Variants in PCDHGB3 observed in about 807,000 individuals in gnomAD.
PCDHGB3 encodes the protein protocadherin gamma subfamily B, 3, also known as protocadherin gamma-B3.
In PCDHGB3, 40 loss-of-function variants were observed where a neutral mutation model predicts 59.2. The ratio of observed to expected loss-of-function variants is 0.68; its 90% CI spans 0.52 to 0.88. PCDHGB3 has a LOEUF of 0.88. PCDHGB3 is among the 40% of genes least tolerant of loss of function. The pLI is 0.00. For missense variants in PCDHGB3, 1,309 were observed against 1,187.9 expected (o/e 1.10, Z -1.50); for synonymous variants, 581 against 503.6 (o/e 1.15, Z -2.06).
At chr5:141,395,557 T>C (rs1405901510) in intron 1 of PCDHGB3, 1 of 136,750 alleles carries the variant, frequency 7.3e-6, no homozygotes, top group East Asian at 1.5e-4. Context: ...TGTGTGTGTG[T>C]GTGTGTGTGT....
intron 1 of PCDHGB3, chr5:141,415,520 C>T: frequency 6.2e-7 from 1 of 1,614,190 alleles, no homozygotes; most frequent in Non-Finnish European, 8.5e-7. Flanking sequence ...TATGCGGACA[C>T]GCTCATCAGC....
At chr5:141,428,120 C>A in intron 1 of PCDHGB3, 1 of 1,606,526 alleles carries the variant, frequency 6.2e-7, no homozygotes, top group Non-Finnish European at 8.5e-7. Flanking sequence ...CCATCGAGCC[C>A]GGGCTTTTCA....
chr5:141,372,118 T>C lies in PCDHGB3; in HGVS notation c.1724T>C (p.Phe575Ser), dbSNP rs937548053. The C allele has an allele frequency of 1.9e-6, 3 of 1,613,628 alleles. No individual in the cohort carries two copies. The highest frequency in any genetic ancestry group is 2.5e-6 in the Non-Finnish European group (3 of 1,179,926). The change falls in exon 1 of 4, where the codon TTC becomes TCC. Residue 575 changes from phenylalanine to serine, a missense_variant. Transcript: ENST00000576222. The stretch of plus-strand genomic sequence containing the variant: ...CTGGGGCCCGAAGGCTCTGCGCTCT[T>C]CGATATGGTGCCGCGCTCTGCAGAG... Reference protein sequence around the residue: ...PALGPEGSALFDMVPRSAEPG... With the variant: ...PALGPEGSALSDMVPRSAEPG...
chr5:141,372,696 C>T lies in PCDHGB3; in HGVS notation c.2302C>T (p.Leu768Phe). The T allele has an allele frequency of 6.2e-7, 1 of 1,613,994 alleles. No individual in the cohort carries two copies. Among genetic ancestry groups the T allele is most frequent in the Non-Finnish European group, 8.5e-7 (1 of 1,179,884 alleles). Residue 768 changes from leucine (L) to phenylalanine (F), a missense_variant, in exon 1 of 4, where the codon CTC becomes TTC. Leu to Phe is a conservative substitution (Grantham distance 22). Transcript: ENST00000576222. Reference protein sequence around the residue: ...SHSSNTEFKFLNIKAENAAPQ... With the variant: ...SHSSNTEFKFFNIKAENAAPQ... ...TTCCTCAAACACCGAGTTTAAATTT[C>T]TCAATATAAAGGCTGAAAATGCTGC...
chr5:141,432,016 C>G lies in PCDHGB3; in HGVS notation c.2415+59207C>G. 1 of 1,614,202 alleles carries G rather than the reference C, an allele frequency of 6.2e-7. No individual in the cohort carries two copies. The highest frequency in any genetic ancestry group is 1.1e-5 in the South Asian group (1 of 91,082). ...ATAGGGAACAGGTTCCTAGCTACAACATCACAGTGACCGCCACTGACCGGG... is the reference window on the plus strand; with the variant it reads ...ATAGGGAACAGGTTCCTAGCTACAAGATCACAGTGACCGCCACTGACCGGG... On this transcript the variant is annotated intron_variant, in intron 1 of 3. Coordinates refer to ENST00000576222, the MANE Select transcript of PCDHGB3 (RefSeq NM_018924.5). The surrounding 1 kb of genome is among the most constrained non-coding windows in gnomAD (Gnocchi z 6.0).
chr5:141,374,582 C>T, intron 1 of PCDHGB3: 1 of 1,613,744 alleles, frequency 6.2e-7, no homozygotes, highest in Non-Finnish European at 8.5e-7. Context: ...AATGAACTCC[C>T]TTCAGGGATT....
intron 1 of PCDHGB3, chr5:141,375,567 C>A (rs767430191): frequency 1.2e-6 from 2 of 1,614,076 alleles, no homozygotes. Flanking sequence ...GCAGAAGACA[C>A]CCTCCAGGGG....
At chr5:141,499,331 TCA>T (rs2099791249) in intron 2 of PCDHGB3, among the ~76,000 whole-genome samples, 1 of 152,220 alleles carries the variant, frequency 6.6e-6, no homozygotes, top group African/African-American at 2.4e-5. Context: ...CTGCTCTCTC[TCA>T]GTTTGGGCAG....
At chr5:141,375,751 T>C (rs1389189532) in intron 1 of PCDHGB3, 3 of 1,614,108 alleles carry the variant, frequency 1.9e-6, no homozygotes, top group Non-Finnish European at 2.5e-6. Context: ...TGGACCAGAA[T>C]GACAATGCGC....
chr5:141,395,538 TTGTTTGTGTG>T, intron 1 of PCDHGB3: 1 of 225,786 alleles, frequency 4.4e-6, no homozygotes, highest in Non-Finnish European at 7.1e-6. Context: ...AATTTTGCTA[TTGTTTGTGTG>T]TGTGTGTGTG....
At chr5:141,393,980 T>C (rs745601350) in intron 1 of PCDHGB3, 132 of 1,613,686 alleles carry the variant, frequency 8.2e-5, no homozygotes, top group Admixed American at 6.7e-5. Context: ...CACGTGATAA[T>C]TTACCTTTTA....
At chr5:141,408,884 A>G (rs755835568) in intron 1 of PCDHGB3, 2 of 1,613,384 alleles carry the variant, frequency 1.2e-6, no homozygotes, top group Non-Finnish European at 1.7e-6. Context: ...CACCGCTCAC[A>G]TAGAAATTTC....
rs2097370658 is a variant in PCDHGB3 at position 141,431,413 on chromosome 5, C to T, written c.2415+58604C>T. The T allele has an allele frequency of 1.2e-6, 2 of 1,613,564 alleles. No homozygotes were observed. Among genetic ancestry groups the T allele is most frequent in the African/African-American group, 2.7e-5 (2 of 74,952 alleles). ...TGGTCCTTACGGCCTCCGACGGGGG[C>T]GACCCGGTGCGCACAGGCACCGCGC... On this transcript the variant is annotated intron_variant, in intron 1 of 3. Transcript: ENST00000576222. This position sits in a 1 kb window ranked among gnomAD's most constrained non-coding sequence, Gnocchi z 4.8.
intron 1 of PCDHGB3, chr5:141,426,679 T>A (rs1008777231): frequency 9.3e-6 from 4 of 431,308 alleles, no homozygotes; most frequent in African/African-American, 2.0e-5. Context: ...CCACCTCATT[T>A]TCCCCAAAAT....
intron 1 of PCDHGB3, among the ~76,000 whole-genome samples, chr5:141,450,424 CTTTAA>C (rs2098679800): frequency 1.3e-5 from 2 of 152,146 alleles, no homozygotes; most frequent in East Asian, 3.9e-4. Context: ...TGTATAATGC[CTTTAA>C]TTTATATTTG....
At chr5:141,395,205 C>T (rs770683946) in intron 1 of PCDHGB3, 2 of 1,613,660 alleles carry the variant, frequency 1.2e-6, no homozygotes, top group Non-Finnish European at 1.7e-6. Flanking sequence ...CGTAGATTTT[C>T]ATGAATATAA....
chr5:141,485,441 A>T lies in PCDHGB3; in HGVS notation c.2416-9366A>T. On this transcript the variant is annotated intron_variant, in intron 1 of 3. Coordinates refer to ENST00000576222, the MANE Select transcript of PCDHGB3 (RefSeq NM_018924.5). The surrounding 1 kb of genome is among the most constrained non-coding windows in gnomAD (Gnocchi z 5.7). ...CGGAGCCCTGCTCATCAAGAACCCA[A>T]TCGACCGAGAGGCACTGTGTGGGCT... is the stretch of plus-strand genomic sequence containing the variant. The T allele has an allele frequency of 6.2e-7, 1 of 1,613,910 alleles. No homozygotes were observed. The highest frequency in any genetic ancestry group is 1.1e-5 in the South Asian group (1 of 91,062).
intron 1 of PCDHGB3, chr5:141,419,854 A>G: frequency 1.9e-6 from 3 of 1,614,078 alleles, no homozygotes; most frequent in Non-Finnish European, 2.5e-6. Flanking sequence ...TGGTGTTCGC[A>G]GATAGCTTGC....
At chr5:141,398,983 C>T (rs2093734558) in intron 1 of PCDHGB3, 1 of 1,613,944 alleles carries the variant, frequency 6.2e-7, no homozygotes. Context: ...CAGAACCGGG[C>T]AAATCTTTAG....
Sources: allele counts gnomAD v4.1 joint callset (sites outside exome capture counted in the v4.1 genomes callset), GRCh38; gene constraint gnomAD v4.1.1; non-coding constraint Gnocchi (gnomAD v3.1); transcripts MANE v1.5; gene names NCBI Gene and HGNC (gene_info 2026-07-23, HGNC 2026-07-21).